The following MEGF11 variants were observed in gnomAD, a reference collection of about 807,000 sequenced individuals.
MEGF11 encodes multiple epidermal growth factor-like domains protein 11.
In MEGF11, 126 loss-of-function variants were observed where a neutral mutation model predicts 146.6. The observed-to-expected ratio is 0.86, with a 90% confidence interval of 0.74 to 1.00. The LOEUF is 1.00. MEGF11 is among the 50% of genes least tolerant of loss of function. MEGF11 has a pLI of 0.00. For synonymous variants in MEGF11, 532 were observed against 583.4 expected, an observed-to-expected ratio of 0.91 and a Z score of 1.27; for missense variants, 1,509 against 1,521.2, an observed-to-expected ratio of 0.99 and a Z score of 0.13.
intron 10 of MEGF11, among the ~76,000 whole-genome samples, chr15:65,955,862 TA>T (rs1447754751): frequency 3.7e-5 from 5 of 133,558 alleles, no homozygotes; most frequent in African/African-American, 1.4e-4. Context: ...ATGATTGAGG[TA>T]TTTTATATTC....
intron 5 of MEGF11, among the ~76,000 whole-genome samples, chr15:66,005,076 C>T (rs1278213524): frequency 6.6e-6 from 1 of 152,012 alleles, no homozygotes; most frequent in African/African-American, 2.4e-5. Context: ...CCATCTGGGG[C>T]AACATAGGGA....
Position 66,213,626 on chromosome 15 carries a change from A to G in MEGF11, c.-9+39979T>C, listed in dbSNP as rs2091515728. On this transcript the variant is annotated intron_variant, in intron 1 of 25. Coordinates refer to ENST00000395614, the MANE Select transcript of MEGF11 (RefSeq NM_001385028.1). ...AGAAGGGGGTCTCGCCATGTCGCCC[A>G]GGCTGGTCTTGAACTCCTGGCTTCA... is the stretch of plus-strand genomic sequence containing the variant. 2.0e-5 allele frequency among the ~76,000 whole-genome samples: 3 copies of G among 149,676 alleles called. No individual in the cohort carries two copies. The South Asian group carries it at 6.4e-4, about 32-fold the overall frequency.
chr15:65,995,792 G>T (rs1022913942), intron 5 of MEGF11, among the ~76,000 whole-genome samples: 2 of 152,184 alleles, frequency 1.3e-5, no homozygotes, highest in Non-Finnish European at 2.9e-5. Context: ...GGCAGAGCAG[G>T]GTGCCCACCA....
At chr15:66,016,037 AT>A (rs1237930280) in intron 5 of MEGF11, among the ~76,000 whole-genome samples, 4 of 152,036 alleles carry the variant, frequency 2.6e-5, no homozygotes, top group Non-Finnish European at 2.9e-5. Context: ...ACCCTTCCAC[AT>A]TCCTAGGTAT....
chr15:66,157,939 G>A (rs2089820380), intron 1 of MEGF11, among the ~76,000 whole-genome samples: 1 of 152,144 alleles, frequency 6.6e-6, no homozygotes, highest in South Asian at 2.1e-4. Context: ...CCTCTGAGGT[G>A]GTAATAGGAA....
At chr15:66,045,845 G>T (rs1204356970) in intron 5 of MEGF11, among the ~76,000 whole-genome samples, 1 of 152,168 alleles carries the variant, frequency 6.6e-6, no homozygotes, top group Non-Finnish European at 1.5e-5. Context: ...GCTCACGACT[G>T]TAATCCCAGC....
chr15:66,073,280 C>T (rs957220553), intron 5 of MEGF11, among the ~76,000 whole-genome samples: 9 of 152,224 alleles, frequency 5.9e-5, no homozygotes, highest in Admixed American at 3.9e-4. Flanking sequence ...TCACGCCCCC[C>T]TTCTTCCCCG....
intron 1 of MEGF11, among the ~76,000 whole-genome samples, chr15:66,144,447 T>A (rs542254807): frequency 6.6e-6 from 1 of 152,266 alleles, no homozygotes; most frequent in East Asian, 1.9e-4. Context: ...CCTGCCAATA[T>A]CCTAGTTCTT....
At chr15:65,930,020 C>T in intron 11 of MEGF11, 137 bp from the exon 12 acceptor site, 2 of 858,766 alleles carry the variant, frequency 2.3e-6, no homozygotes, top group South Asian at 3.5e-5. Flanking sequence ...ACACATTCCA[C>T]ACAGAGTTCA....
chr15:66,054,164 G>A (rs2084579806), intron 5 of MEGF11, among the ~76,000 whole-genome samples: 1 of 152,190 alleles, frequency 6.6e-6, no homozygotes, highest in Admixed American at 6.5e-5. Context: ...GGGCTGCCTG[G>A]CCCAGCCCCT....
At chr15:66,193,858 T>C (rs1464304230) in intron 1 of MEGF11, among the ~76,000 whole-genome samples, 1 of 152,106 alleles carries the variant, frequency 6.6e-6, no homozygotes, top group East Asian at 1.9e-4. Flanking sequence ...GCTCCATGAG[T>C]TTAGGGTCTG....
chr15:66,204,078 A>G (rs776581116), intron 1 of MEGF11, among the ~76,000 whole-genome samples: 1 of 142,856 alleles, frequency 7.0e-6, no homozygotes, highest in Non-Finnish European at 1.5e-5. Context: ...TCTCATCTCT[A>G]TTAAAGGGGG....
chr15:65,915,658 T>C, intron 18 of MEGF11, 60 bp from the exon 19 acceptor site: 1 of 1,586,214 alleles, frequency 6.3e-7, no homozygotes, highest in Non-Finnish European at 8.6e-7. Flanking sequence ...TCCCCTTCCA[T>C]GTTTAGACAG....
At chr15:66,151,822 C>A (rs7162887) in intron 1 of MEGF11, among the ~76,000 whole-genome samples, 18,607 of 152,212 alleles carry the variant, frequency 0.12, 2,320 homozygotes, top group African/African-American at 0.32. Flanking sequence ...AGACCGCTGA[C>A]CCTGGGAGGG....
At chr15:66,141,238 G>A (rs2089137431) in intron 1 of MEGF11, among the ~76,000 whole-genome samples, 1 of 18,656 alleles carries the variant, frequency 5.4e-5, no homozygotes, top group Admixed American at 8.0e-4. Flanking sequence ...TCAGGGGTGT[G>A]TGTGTGTGTG....
intron 5 of MEGF11, among the ~76,000 whole-genome samples, chr15:66,090,093 C>T (rs993340096): frequency 6.6e-6 from 1 of 152,170 alleles, no homozygotes; most frequent in Non-Finnish European, 1.5e-5. Context: ...AGAAATTAGT[C>T]CAGGCCTTAA....
At position 65,964,883 on chromosome 15, in the gene MEGF11, G is replaced by A. The variant is rs573277810; in HGVS notation, c.1112+25C>T. ...CCTGAGCACCCCCCGCCCTTGTCCC[G>A]GGCTCGCCCATTCCCAGCTCATACC... On this transcript the variant is annotated intron_variant, in intron 9 of 25. Transcript: ENST00000395614. 1.3e-4 allele frequency: 190 copies of A among 1,466,766 alleles called. 2 individuals carry two copies. In the East Asian group the frequency reaches 4.5e-3, roughly 35 times the overall value. 90.9% of individuals were successfully genotyped at this position (1,466,766 alleles called of 1,614,324 possible).
chr15:66,102,994 T>A (rs2086889735), intron 4 of MEGF11, among the ~76,000 whole-genome samples: 1 of 152,178 alleles, frequency 6.6e-6, no homozygotes, highest in African/African-American at 2.4e-5. Flanking sequence ...TTTTCACAAG[T>A]GGAAAGCACT....
At chr15:65,957,503 C>G in intron 10 of MEGF11, 44 bp downstream of exon 10, 1 of 1,582,144 alleles carries the variant, frequency 6.3e-7, no homozygotes, top group Non-Finnish European at 8.6e-7. Context: ...GGGAACTGGC[C>G]CGGTGGAGGT....
Sources: gnomAD v4.1 joint callset for allele counts (sites outside exome capture counted in the v4.1 genomes callset) on GRCh38, gnomAD v4.1.1 for gene constraint, MANE v1.5 for transcripts, NCBI Gene and HGNC (gene_info 2026-07-23, HGNC 2026-07-21) for gene names.